The following STARD13 variants were observed in gnomAD, a reference collection of about 807,000 sequenced individuals.
STARD13 encodes the protein stAR-related lipid transfer protein 13.
STARD13 carries 62 observed loss-of-function variants against 106.4 expected under a neutral mutation model. That is an observed-to-expected ratio of 0.58 (90% confidence interval 0.48 to 0.72). The LOEUF is 0.72. Ranked by LOEUF, STARD13 falls within the 30% of genes least tolerant of loss-of-function variation. The probability of loss-of-function intolerance (pLI) is 0.00; values close to 1 mark genes in which losing one functional copy is unlikely to be tolerated. For missense variants in STARD13, 1,387 were observed against 1,424.0 expected, an observed-to-expected ratio of 0.97 and a Z score of 0.42; for synonymous variants, 565 against 553.0, an observed-to-expected ratio of 1.02 and a Z score of -0.31.
intron 5 of STARD13, 51 bp downstream of exon 5, chr13:33,128,877 AC>A: frequency 6.5e-7 from 1 of 1,534,922 alleles, no homozygotes; most frequent in East Asian, 2.3e-5. Context: ...TAAACAGAAC[AC>A]AATTACTATG....
At chr13:33,494,633 C>T in the STARD13 span, among the ~76,000 whole-genome samples, 1 of 152,094 alleles carries the variant, frequency 6.6e-6, no homozygotes, top group Non-Finnish European at 1.5e-5. Flanking sequence ...GAAGATAGAA[C>T]AGTGGTCAAC....
chr13:33,654,889 G>T, the STARD13 span: 1 of 152,246 alleles, frequency 6.6e-6, no homozygotes, highest in African/African-American at 2.4e-5. Flanking sequence ...AGACTTAGCT[G>T]CTTCTTGTCT....
the STARD13 span, among the ~76,000 whole-genome samples, chr13:33,394,207 CT>C: frequency 0.079 from 11,588 of 146,852 alleles, 626 homozygotes; most frequent in East Asian, 0.27. Flanking sequence ...ATTATTATTC[CT>C]TTTTTTTTTT....
the STARD13 span, among the ~76,000 whole-genome samples, chr13:33,609,857 T>C: frequency 1.3e-5 from 2 of 152,174 alleles, no homozygotes; most frequent in African/African-American, 2.4e-5. Flanking sequence ...CGTGAGCCAC[T>C]GCGCCCGGCC....
the STARD13 span, among the ~76,000 whole-genome samples, chr13:33,569,041 A>C: frequency 6.7e-6 from 1 of 148,232 alleles, no homozygotes; most frequent in Non-Finnish European, 1.5e-5. Context: ...TAGACTGGCC[A>C]TTCTGATCTG....
chr13:33,458,631 T>C, the STARD13 span, among the ~76,000 whole-genome samples: 1 of 152,024 alleles, frequency 6.6e-6, no homozygotes, highest in Non-Finnish European at 1.5e-5. Context: ...ACAGACAGGG[T>C]CTTTATGTAA....
the STARD13 span, among the ~76,000 whole-genome samples, chr13:33,372,942 C>A: frequency 6.6e-6 from 1 of 152,030 alleles, no homozygotes; most frequent in Non-Finnish European, 1.5e-5. Context: ...TACATTAAGA[C>A]CAACAGGGGT....
the STARD13 span, among the ~76,000 whole-genome samples, chr13:33,517,536 C>T: frequency 1.5e-4 from 23 of 152,252 alleles, no homozygotes; most frequent in African/African-American, 5.5e-4. Context: ...TGGAAAATTA[C>T]ATCCAGTAAG....
intron 7 of STARD13, among the ~76,000 whole-genome samples, chr13:33,123,955 A>T (rs1018506294): frequency 1.3e-5 from 2 of 152,226 alleles, no homozygotes; most frequent in East Asian, 3.8e-4. Context: ...CGTCTTCTGC[A>T]GCTTTGAGGC....
chr13:33,164,281 G>A (rs1273018128), intron 3 of STARD13: 4 of 152,058 alleles, frequency 2.6e-5, no homozygotes, highest in Non-Finnish European at 4.4e-5. Context: ...ATGTATATAC[G>A]TGTCTGAAGA....
intron 1 of STARD13, among the ~76,000 whole-genome samples, chr13:33,298,081 C>T (rs1449202918): frequency 6.8e-6 from 1 of 146,344 alleles, no homozygotes; most frequent in African/African-American, 2.5e-5. Flanking sequence ...GACAGTTTTA[C>T]TTGTGTCTCT....
intron 1 of STARD13, among the ~76,000 whole-genome samples, chr13:33,259,992 T>G (rs1237300003): frequency 1.3e-5 from 1 of 75,164 alleles, no homozygotes; most frequent in African/African-American, 6.5e-5. Context: ...TGAGATTCCA[T>G]CTCCAAAAAA....
intron 1 of STARD13, among the ~76,000 whole-genome samples, chr13:33,232,404 A>AT (rs551850663): frequency 1.3e-5 from 2 of 152,024 alleles, no homozygotes; most frequent in Non-Finnish European, 2.9e-5. Flanking sequence ...TTTATTTTTA[A>AT]TTTTTTTTCA....
chr13:33,558,302 G>T, the STARD13 span, among the ~76,000 whole-genome samples: 1 of 151,948 alleles, frequency 6.6e-6, no homozygotes, highest in African/African-American at 2.4e-5. Flanking sequence ...AGTGATATCT[G>T]CCTCACAGGT....
At chr13:33,672,933 G>A in the STARD13 span, among the ~76,000 whole-genome samples, 10 of 152,100 alleles carry the variant, frequency 6.6e-5, no homozygotes, top group Admixed American at 1.3e-4. Flanking sequence ...ATCTCTTTTG[G>A]ATGTCTTACA....
At chr13:33,511,431 C>T in the STARD13 span, 2 of 152,074 alleles carry the variant, frequency 1.3e-5, no homozygotes, top group African/African-American at 2.4e-5. Flanking sequence ...AAAAAAATCA[C>T]TGTAAACTGA....
chr13:33,532,660 G>A, the STARD13 span, among the ~76,000 whole-genome samples: 228 of 152,220 alleles, frequency 1.5e-3, 1 homozygote, highest in Non-Finnish European at 2.9e-3. Context: ...ATATACCTGG[G>A]ATACTGTGTG....
At chr13:33,392,363 C>G in the STARD13 span, among the ~76,000 whole-genome samples, 2 of 152,104 alleles carry the variant, frequency 1.3e-5, no homozygotes, top group Admixed American at 6.5e-5. Context: ...TTGGCCATAT[C>G]TTCATATTTG....
At chr13:33,106,144 G>GTAGCCATGTGGCTA (rs1227039002) in intron 13 of STARD13, among the ~76,000 whole-genome samples, 2 of 152,262 alleles carry the variant, frequency 1.3e-5, no homozygotes, top group African/African-American at 2.4e-5. Context: ...ACATGGTCGA[G>GTAGCCATGTGGCTA]CACGGTGGCT....
Sources: gnomAD v4.1 joint callset for allele counts (sites outside exome capture counted in the v4.1 genomes callset) on GRCh38, gnomAD v4.1.1 for gene constraint, MANE v1.5 for transcripts, NCBI Gene and HGNC (gene_info 2026-07-23, HGNC 2026-07-21) for gene names.